SPNS3: variants seen among roughly 807,000 people sequenced by gnomAD.
SPNS3 encodes the protein SPNS lysolipid transporter 3, sphingosine-1-phosphate (putative), also known as protein spinster homolog 3.
In SPNS3, 51 loss-of-function variants were observed where a neutral mutation model predicts 54.4. The ratio of observed to expected loss-of-function variants is 0.94; its 90% CI spans 0.75 to 1.18. The LOEUF (loss-of-function observed/expected upper bound fraction) is 1.18, where lower values mean the gene tolerates loss of function less well. Among genes scored for constraint, SPNS3 ranks in the 50% most tolerant of loss-of-function variants. SPNS3 has a pLI of 0.00. For missense variants in SPNS3, 669 were observed against 677.4 expected (o/e 0.99, Z 0.14); for synonymous variants, 309 against 294.7 (o/e 1.05, Z -0.50).
At chr17:4,481,747 G>A (rs1248435821) in intron 9 of SPNS3, among the ~76,000 whole-genome samples, 1 of 152,176 alleles carries the variant, frequency 6.6e-6, no homozygotes, top group African/African-American at 2.4e-5. Context: ...AGTAGGTAGA[G>A]CGGTGGCAAC....
intron 7 of SPNS3, among the ~76,000 whole-genome samples, chr17:4,452,237 C>T (rs1313115315): frequency 6.6e-6 from 1 of 152,130 alleles, no homozygotes; most frequent in Admixed American, 6.6e-5. Context: ...GCTGGGACTA[C>T]AGGTGCACGC....
At position 4,449,259 on chromosome 17, in the gene SPNS3, C is replaced by T. The variant is rs757109921; in HGVS notation, c.795C>T (p.Leu265=). The change falls in exon 7 of 12, where the codon CTC becomes CTT. Residue 265 remains leucine, a synonymous_variant. Coordinates refer to ENST00000355530, the MANE Select transcript of SPNS3 (RefSeq NM_182538.5). ...GCTGGAGTTTCGTGTGGTCGACCCT[C>T]GGAGTGACCGCCATGGCCTTTGTGA... ...GKNWSFVWST[L]GVTAMAFVTG... 102 of 1,612,124 alleles carry T rather than the reference C, an allele frequency of 6.3e-5. No homozygotes were observed. The East Asian group carries it at 1.4e-3, about 21-fold the overall frequency.
In SPNS3 at chr17:4,481,929, G is replaced by A. The variant is rs971009024; in HGVS notation, c.1179+3292G>A. ...TTTTGAGACGGAGTCTCGCACTGTC[G>A]CCAGGCTGGAGTGCAGTGGTGCGAT... On this transcript the variant is annotated intron_variant, in intron 9 of 11. Transcript: ENST00000355530. The A allele has an allele frequency of 6.1e-5, 9 of 148,288 alleles. No individual in the cohort carries two copies. The East Asian group carries it at 9.9e-4, about 16-fold the overall frequency. 9.2% of individuals were successfully genotyped at this position (148,288 alleles called of 1,614,324 possible). A position where few individuals can be genotyped will look rare whatever the true frequency, so the allele number is the denominator to read the frequency against.
chr17:4,439,369 G>A (rs1465900137), intron 1 of SPNS3, among the ~76,000 whole-genome samples: 2 of 152,146 alleles, frequency 1.3e-5, no homozygotes, highest in Admixed American at 6.6e-5. Context: ...CAGGTGATCC[G>A]CCAGCCTTGG....
intron 2 of SPNS3, 134 bp downstream of exon 2, chr17:4,439,857 C>G (rs1970804478): frequency 2.6e-6 from 2 of 762,528 alleles, no homozygotes; most frequent in Admixed American, 4.6e-5. Context: ...GGGTATGGGC[C>G]TGAGGGACAG....
intron 8 of SPNS3, among the ~76,000 whole-genome samples, chr17:4,460,412 T>C (rs1166008078): frequency 1.3e-5 from 2 of 150,266 alleles, no homozygotes; most frequent in African/African-American, 4.9e-5. Context: ...TGGGTAATCA[T>C]TTTTATGTAT....
At chr17:4,448,372 C>T (rs2144038398) in intron 6 of SPNS3, 69 bp downstream of exon 6, 2 of 1,377,210 alleles carry the variant, frequency 1.5e-6, no homozygotes, top group Non-Finnish European at 1.9e-6. Flanking sequence ...TCATTGACCC[C>T]CTCTCTCCAC....
At chr17:4,456,625 A>T (rs1971322541) in intron 8 of SPNS3, among the ~76,000 whole-genome samples, 1 of 152,128 alleles carries the variant, frequency 6.6e-6, no homozygotes, top group African/African-American at 2.4e-5. Flanking sequence ...TTTCAGGTTC[A>T]AGCAATTCTC....
intron 8 of SPNS3, among the ~76,000 whole-genome samples, chr17:4,464,105 G>A (rs1597328282): frequency 6.6e-6 from 1 of 152,312 alleles, no homozygotes; most frequent in South Asian, 2.1e-4. Context: ...CTTGTTTCAT[G>A]GAAATGAGCT....
At chr17:4,460,646 G>T (rs1244272014) in intron 8 of SPNS3, among the ~76,000 whole-genome samples, 2 of 148,062 alleles carry the variant, frequency 1.4e-5, no homozygotes, top group East Asian at 2.0e-4. Context: ...GTTTCACCTT[G>T]TTAGCCAGGA....
At chr17:4,464,215 A>G (rs747498275) in intron 8 of SPNS3, among the ~76,000 whole-genome samples, 1 of 152,170 alleles carries the variant, frequency 6.6e-6, no homozygotes, top group Non-Finnish European at 1.5e-5. Context: ...CCATCTTTCC[A>G]GTCCTCTTGG....
chr17:4,478,737 C>A (rs1972080073), intron 9 of SPNS3, 100 bp downstream of exon 9: 3 of 1,223,310 alleles, frequency 2.5e-6, no homozygotes, highest in African/African-American at 1.5e-5. Flanking sequence ...CATCAGAGAC[C>A]ATACATTAGG....
At chr17:4,463,282 A>T (rs1300078404) in intron 8 of SPNS3, among the ~76,000 whole-genome samples, 1 of 151,624 alleles carries the variant, frequency 6.6e-6, no homozygotes, top group African/African-American at 2.4e-5. Flanking sequence ...CTGTAATCCC[A>T]GCTACTCAGG....
At chr17:4,484,968 C>G (rs9303187) in intron 9 of SPNS3, 1 of 151,994 alleles carries the variant, frequency 6.6e-6, no homozygotes, top group African/African-American at 2.4e-5. Context: ...AAGGGCCCCT[C>G]CCAGTTCTGG....
At chr17:4,466,264 A>G (rs1248239821) in intron 8 of SPNS3, among the ~76,000 whole-genome samples, 2 of 152,240 alleles carry the variant, frequency 1.3e-5, no homozygotes, top group African/African-American at 4.8e-5. Context: ...ACCATAGGCC[A>G]GGCACGGTAG....
intron 6 of SPNS3, among the ~76,000 whole-genome samples, 157 bp from the exon 7 acceptor site, chr17:4,449,078 A>G (rs1384316655): frequency 6.6e-6 from 1 of 152,078 alleles, no homozygotes; most frequent in Non-Finnish European, 1.5e-5. Flanking sequence ...CAGTTTGCCT[A>G]TCTGTAAAGA....
intron 8 of SPNS3, among the ~76,000 whole-genome samples, chr17:4,477,246 C>T (rs368600303): frequency 9.8e-5 from 15 of 152,322 alleles, no homozygotes; most frequent in African/African-American, 3.1e-4. Context: ...GGTGTAATGA[C>T]GTCTGCCTTA....
chr17:4,469,077 T>C (rs1407120768), intron 8 of SPNS3, among the ~76,000 whole-genome samples: 1 of 151,644 alleles, frequency 6.6e-6, no homozygotes, highest in Non-Finnish European at 1.5e-5. Flanking sequence ...TGTGAGCCAC[T>C]GCGCCCGGCC....
At chr17:4,444,778 G>A (rs962622341) in intron 2 of SPNS3, among the ~76,000 whole-genome samples, 1 of 152,126 alleles carries the variant, frequency 6.6e-6, no homozygotes, top group African/African-American at 2.4e-5. Flanking sequence ...CCAGTGTTGG[G>A]GTGACACTCA....
Sources: allele counts gnomAD v4.1 joint callset (sites outside exome capture counted in the v4.1 genomes callset), GRCh38; gene constraint gnomAD v4.1.1; transcripts MANE v1.5; gene names NCBI Gene and HGNC (gene_info 2026-07-23, HGNC 2026-07-21).